SPOCK3: variants seen among roughly 807,000 people sequenced by gnomAD.
SPOCK3 encodes testican-3.
In SPOCK3, 30 loss-of-function variants were observed where a neutral mutation model predicts 56.6. That is an observed-to-expected ratio of 0.53 (90% CI 0.40 to 0.72). The LOEUF (loss-of-function observed/expected upper bound fraction) is 0.72. SPOCK3 is among the 30% of genes least tolerant of loss of function. The pLI is 0.00. For synonymous variants in SPOCK3, 196 were observed against 183.3 expected (o/e 1.07, Z -0.56); for missense variants, 527 against 530.0 (o/e 0.99, Z 0.06).
intron 6 of SPOCK3, among the ~76,000 whole-genome samples, chr4:166,814,439 A>G (rs1213743448): frequency 6.6e-6 from 1 of 152,064 alleles, no homozygotes; most frequent in Non-Finnish European, 1.5e-5. Context: ...CACCCTCATT[A>G]GGTGGGTGGG....
chr4:167,063,674 C>G (rs541289843), intron 2 of SPOCK3, among the ~76,000 whole-genome samples: 1 of 151,822 alleles, frequency 6.6e-6, no homozygotes, highest in Non-Finnish European at 1.5e-5. Flanking sequence ...TTTCACCCCT[C>G]ACACCGTCCC....
At chr4:167,009,932 T>G (rs1397045887) in intron 3 of SPOCK3, among the ~76,000 whole-genome samples, 9 of 151,580 alleles carry the variant, frequency 5.9e-5, no homozygotes. Context: ...TTCTAGAAAT[T>G]AAAAAGAACT....
At chr4:167,160,868 A>G (rs1464609595) in intron 2 of SPOCK3, among the ~76,000 whole-genome samples, 1 of 152,186 alleles carries the variant, frequency 6.6e-6, no homozygotes, top group Non-Finnish European at 1.5e-5. Context: ...TCCCTTCCTT[A>G]CACCTTATAC....
intron 8 of SPOCK3, among the ~76,000 whole-genome samples, chr4:166,748,020 T>C (rs1368604599): frequency 6.6e-6 from 1 of 152,184 alleles, no homozygotes; most frequent in Non-Finnish European, 1.5e-5. Flanking sequence ...TCCATGCTCA[T>C]GGATAGGAAG....
intron 4 of SPOCK3, among the ~76,000 whole-genome samples, chr4:166,953,412 G>A (rs201528237): frequency 0.25 from 37,720 of 149,804 alleles, 5,011 homozygotes; most frequent in Admixed American, 0.33. Flanking sequence ...TTAGAATGGC[G>A]ATCATTAAAA....
chr4:166,794,426 AG>A (rs1304749002), intron 6 of SPOCK3, among the ~76,000 whole-genome samples: 1 of 152,020 alleles, frequency 6.6e-6, no homozygotes, highest in Admixed American at 6.5e-5. Context: ...TATATAAAGA[AG>A]TAACTACCAA....
chr4:167,043,194 T>A (rs185436456), intron 3 of SPOCK3, among the ~76,000 whole-genome samples: 85 of 152,200 alleles, frequency 5.6e-4, no homozygotes, highest in Non-Finnish European at 9.0e-4. Context: ...AGCTTGTTTA[T>A]ATTTGGTTAG....
intron 4 of SPOCK3, among the ~76,000 whole-genome samples, chr4:166,999,744 T>A (rs1158160371): frequency 6.6e-6 from 1 of 152,182 alleles, no homozygotes; most frequent in East Asian, 1.9e-4. Flanking sequence ...TCTAAATTAC[T>A]GGTCCTTCCC....
rs1450980622 is a variant in SPOCK3, at chr4:166,756,192, G to A, written c.710-1463C>T. On this transcript the variant is annotated intron_variant, in intron 7 of 10. Transcript: ENST00000357545. ...CGCTTTTCAGACCGGCTTAAGAAACGGCGCACCACGAGACTATATCCCACA... is the reference window on the plus strand; with the variant it reads ...CGCTTTTCAGACCGGCTTAAGAAACAGCGCACCACGAGACTATATCCCACA... Among the ~76,000 whole-genome samples, 2 of 20,040 alleles carry A rather than the reference G, an allele frequency of 1.0e-4. 1 individual carries two copies. The highest frequency in any genetic ancestry group is 2.1e-4 in the Non-Finnish European group (2 of 9,540). The allele number at this position is 20,040 out of a possible 152,430, so 13.1% of individuals were successfully genotyped here. A position where few individuals can be genotyped will look rare whatever the true frequency, so the allele number is the denominator to read the frequency against.
At chr4:167,052,605 T>C (rs994009111) in intron 3 of SPOCK3, among the ~76,000 whole-genome samples, 1 of 152,114 alleles carries the variant, frequency 6.6e-6, no homozygotes, top group African/African-American at 2.4e-5. Flanking sequence ...TCCACTGAAT[T>C]TCAATACTGG....
chr4:167,074,577 A>C (rs1373071933), intron 2 of SPOCK3, among the ~76,000 whole-genome samples: 1 of 151,842 alleles, frequency 6.6e-6, no homozygotes, highest in African/African-American at 2.4e-5. Flanking sequence ...AGGATGGGTA[A>C]TATAGAGTGT....
intron 5 of SPOCK3, among the ~76,000 whole-genome samples, chr4:166,908,526 GCACACACACACACA>G (rs377518404): frequency 4.4e-5 from 6 of 136,044 alleles, no homozygotes; most frequent in African/African-American, 8.2e-5. Flanking sequence ...TCAAAACCAT[GCACACACACACACA>G]CACACACACA....
At chr4:167,211,166 C>T (rs554068690) in intron 2 of SPOCK3, among the ~76,000 whole-genome samples, 7 of 152,084 alleles carry the variant, frequency 4.6e-5, no homozygotes, top group African/African-American at 1.2e-4. Context: ...CCTTGGATTT[C>T]GGACTTGCGT....
intron 2 of SPOCK3, among the ~76,000 whole-genome samples, chr4:167,156,770 C>T (rs1764855108): frequency 6.6e-6 from 1 of 152,054 alleles, no homozygotes; most frequent in Non-Finnish European, 1.5e-5. Flanking sequence ...TTGACAGCAT[C>T]CAGAGCTTCC....
intron 7 of SPOCK3, among the ~76,000 whole-genome samples, chr4:166,769,827 G>A (rs1738682788): frequency 6.6e-6 from 1 of 152,138 alleles, no homozygotes; most frequent in East Asian, 1.9e-4. Flanking sequence ...GAGCAGCAGT[G>A]GGCTCTACCC....
chr4:166,993,618 A>G (rs1748037668), intron 4 of SPOCK3, among the ~76,000 whole-genome samples: 1 of 152,116 alleles, frequency 6.6e-6, no homozygotes, highest in South Asian at 2.1e-4. Context: ...GTATAAGGTA[A>G]TCTTAAATTT....
intron 6 of SPOCK3, among the ~76,000 whole-genome samples, chr4:166,821,814 A>G (rs1744962279): frequency 6.6e-6 from 1 of 152,044 alleles, no homozygotes; most frequent in Admixed American, 6.6e-5. Context: ...CTAAAATTAG[A>G]TGGTAGTAAA....
At chr4:167,083,352 T>C in intron 2 of SPOCK3, 1 of 762,302 alleles carries the variant, frequency 1.3e-6, no homozygotes, top group Non-Finnish European at 2.4e-6. Flanking sequence ...GCATTCTCTC[T>C]TGCTGCAGTG....
chr4:166,911,753 G>C (rs1347606976), intron 5 of SPOCK3, among the ~76,000 whole-genome samples: 1 of 151,998 alleles, frequency 6.6e-6, no homozygotes, highest in Non-Finnish European at 1.5e-5. Flanking sequence ...GGCCAGGCTG[G>C]TCTCAAACTC....
Sources: allele counts gnomAD v4.1 joint callset (sites outside exome capture counted in the v4.1 genomes callset), GRCh38; gene constraint gnomAD v4.1.1; transcripts MANE v1.5; gene names NCBI Gene and HGNC (gene_info 2026-07-23, HGNC 2026-07-21).